CTIF: variants seen among roughly 807,000 people sequenced by gnomAD.
CTIF encodes the protein CBP80/20-dependent translation initiation factor.
Under a neutral mutation model 66.0 loss-of-function variants are expected in CTIF, and 21 were observed. That is an observed-to-expected ratio of 0.32 (90% CI 0.23 to 0.46). CTIF has a LOEUF of 0.46. Ranked by LOEUF, CTIF falls within the 20% of genes least tolerant of loss-of-function variation. The pLI, the probability that CTIF is intolerant of heterozygous loss-of-function variation, is 1.00. For synonymous variants in CTIF, 345 were observed against 326.4 expected (o/e 1.06, Z -0.62); for missense variants, 739 against 812.7 (o/e 0.91, Z 1.10).
chr18:48,651,006 G>C (rs2091145784), intron 3 of CTIF, among the ~76,000 whole-genome samples: 2 of 152,156 alleles, frequency 1.3e-5, no homozygotes, highest in Non-Finnish European at 1.5e-5. Flanking sequence ...ACTAAACGTG[G>C]AAAGGAACAC....
At chr18:48,584,956 G>A (rs1266526008) in intron 1 of CTIF, among the ~76,000 whole-genome samples, 1 of 152,210 alleles carries the variant, frequency 6.6e-6, no homozygotes, top group Non-Finnish European at 1.5e-5. Flanking sequence ...CCAAGTAAAG[G>A]TGATTTCCAT....
Position 48,723,011 on chromosome 18 carries a change from C to T in CTIF, c.584+11316C>T, listed in dbSNP as rs114617904. ...CACCCTTTAGCTCATATAGTCTTCC[C>T]AATGACCTTAGGAAGGAGATGCTAT... On this transcript the variant is annotated intron_variant, in intron 7 of 11. Transcript: ENST00000256413. Among the ~76,000 whole-genome samples, 320 of 152,300 alleles carry T rather than the reference C, an allele frequency of 2.1e-3. 1 individual carries two copies. Among genetic ancestry groups the T allele is most frequent in the African/African-American group, 7.6e-3 (316 of 41,546 alleles).
chr18:48,655,127 A>C (rs943572988), intron 3 of CTIF, among the ~76,000 whole-genome samples: 1 of 151,732 alleles, frequency 6.6e-6, no homozygotes, highest in South Asian at 2.1e-4. Flanking sequence ...TATAATTTAA[A>C]AATAATAATA....
rs1355350824 is a variant in CTIF at position 48,862,540 on chromosome 18, T to G, written c.*2981T>G. 2 of 152,798 alleles carry G rather than the reference T, an allele frequency of 1.3e-5. No homozygotes were observed. The highest frequency in any genetic ancestry group is 3.9e-4 in the East Asian group (2 of 5,178). 9.5% of individuals were successfully genotyped at this position (152,798 alleles called of 1,614,324 possible). On this transcript the variant is annotated 3_prime_UTR_variant, in exon 12 of 12. Transcript: ENST00000256413. Reference sequence around the variant, plus strand: ...GCCACCCTCCACGGGATGTGCACCCTCAGACCCCATTCTCTCTGTTCGTCC... The same window carrying G: ...GCCACCCTCCACGGGATGTGCACCCGCAGACCCCATTCTCTCTGTTCGTCC...
At chr18:48,751,080 T>G (rs933656818) in intron 7 of CTIF, among the ~76,000 whole-genome samples, 2 of 152,234 alleles carry the variant, frequency 1.3e-5, no homozygotes, top group African/African-American at 4.8e-5. Flanking sequence ...AAGCCATGCC[T>G]GGCTTACTGT....
At chr18:48,747,804 G>A (rs1018715286) in intron 7 of CTIF, among the ~76,000 whole-genome samples, 7 of 151,436 alleles carry the variant, frequency 4.6e-5, no homozygotes, top group East Asian at 1.9e-4. Context: ...TGTAGTCCTC[G>A]CTACTTGGGA....
At chr18:48,677,068 C>T (rs2091642848) in intron 6 of CTIF, among the ~76,000 whole-genome samples, 1 of 152,142 alleles carries the variant, frequency 6.6e-6, no homozygotes. Flanking sequence ...GTTCCCAGAC[C>T]TCCAGATGAG....
chr18:48,765,780 C>T (rs1441551045), intron 9 of CTIF, among the ~76,000 whole-genome samples: 3 of 152,152 alleles, frequency 2.0e-5, no homozygotes, highest in Admixed American at 6.5e-5. Flanking sequence ...TCAGAGGACC[C>T]CGTCACCAAT....
In CTIF at chr18:48,792,798, A is replaced by AGGAGGAGTAGCCTTT. The variant is rs1388454901; in HGVS notation, c.1372-24418_1372-24417insAGTAGCCTTTGGAGG. ...CTAACTGAGGTGGGGAAGATGCTTC[A>AGGAGGAGTAGCCTTT]GGAGGGTGGACCAGGAGCTCACTAT... On this transcript the variant is annotated intron_variant, in intron 9 of 11. Transcript: ENST00000256413. 4.6e-5 allele frequency among the ~76,000 whole-genome samples: 7 copies of AGGAGGAGTAGCCTTT among 152,278 alleles called. No homozygotes were observed. In the East Asian group the frequency reaches 5.8e-4, roughly 13 times the overall value.
intron 9 of CTIF, among the ~76,000 whole-genome samples, chr18:48,769,328 A>G (rs558597710): frequency 6.6e-5 from 10 of 152,232 alleles, no homozygotes; most frequent in Admixed American, 2.6e-4. Context: ...AGAAATCAGA[A>G]AGGCTGAAGC....
intron 7 of CTIF, among the ~76,000 whole-genome samples, chr18:48,752,517 C>T (rs554309154): frequency 5.3e-5 from 8 of 152,302 alleles, no homozygotes; most frequent in African/African-American, 1.7e-4. Context: ...GAGGGCTTTG[C>T]CACTAACTAG....
intron 10 of CTIF, among the ~76,000 whole-genome samples, chr18:48,819,762 C>T (rs939700485): frequency 1.3e-5 from 2 of 152,352 alleles, no homozygotes; most frequent in African/African-American, 4.8e-5. Context: ...GGCAGAGCCC[C>T]ATGTACCAAG....
intron 9 of CTIF, among the ~76,000 whole-genome samples, chr18:48,769,663 ACTC>A (rs1909914915): frequency 2.0e-5 from 3 of 151,826 alleles, no homozygotes; most frequent in African/African-American, 7.3e-5. Context: ...CCAATGCCTG[ACTC>A]CTATCCATGT....
In CTIF at chr18:48,859,310, C is replaced by G. The variant is rs768409616; in HGVS notation, c.1582-34C>G. The G allele has an allele frequency of 2.5e-6, 4 of 1,597,064 alleles. No homozygotes were observed. In the East Asian group the frequency reaches 8.9e-5, roughly 36 times the overall value. On this transcript the variant is annotated intron_variant, in intron 11 of 11. Transcript: ENST00000256413. Reference sequence around the variant, plus strand: ...GTGGCCAGTGGGCCACTGTGGGACCCGAGGCCATCCTAACCCCACATCTCT... The same window carrying G: ...GTGGCCAGTGGGCCACTGTGGGACCGGAGGCCATCCTAACCCCACATCTCT...
intron 1 of CTIF, among the ~76,000 whole-genome samples, chr18:48,579,563 T>C (rs73441487): frequency 0.059 from 8,973 of 152,252 alleles, 824 homozygotes; most frequent in African/African-American, 0.2. Context: ...AAAAAGTAAC[T>C]TAGTTCTCTC....
intron 9 of CTIF, among the ~76,000 whole-genome samples, chr18:48,780,202 T>G (rs35027355): frequency 0.075 from 11,431 of 152,210 alleles, 675 homozygotes; most frequent in African/African-American, 0.16. Flanking sequence ...GCCTGTGCGC[T>G]ATGTCATTTC....
chr18:48,781,309 C>T (rs1401064121), intron 9 of CTIF, among the ~76,000 whole-genome samples: 1 of 152,152 alleles, frequency 6.6e-6, no homozygotes, highest in African/African-American at 2.4e-5. Context: ...ACTCTGGGGG[C>T]GGCGGCTGGG....
chr18:48,770,638 C>CGT (rs1240230302), intron 9 of CTIF, among the ~76,000 whole-genome samples: 8 of 152,350 alleles, frequency 5.3e-5, no homozygotes, highest in Middle Eastern at 3.4e-3. Context: ...AGGTGTGGGT[C>CGT]GTGCCCCCGA....
intron 9 of CTIF, among the ~76,000 whole-genome samples, chr18:48,770,553 G>C: frequency 6.6e-6 from 1 of 152,236 alleles, no homozygotes; most frequent in Non-Finnish European, 1.5e-5. Context: ...TTAGGAGCGT[G>C]GGTGGCTCAG....
Sources: allele counts gnomAD v4.1 joint callset (sites outside exome capture counted in the v4.1 genomes callset), GRCh38; gene constraint gnomAD v4.1.1; transcripts MANE v1.5; gene names NCBI Gene and HGNC (gene_info 2026-07-23, HGNC 2026-07-21).